DACH2: variants seen among roughly 807,000 people sequenced by gnomAD.
DACH2 encodes the protein dachshund family transcription factor 2, also known as dachshund homolog 2.
In DACH2, 17 loss-of-function variants were observed where a neutral mutation model predicts 35.8. That is an observed-to-expected ratio of 0.48 (90% CI 0.33 to 0.71). The LOEUF (loss-of-function observed/expected upper bound fraction) is 0.71, where lower values mean the gene tolerates loss of function less well. Among genes scored for constraint, DACH2 ranks in the 30% least tolerant of loss-of-function variants. DACH2 has a pLI of 0.02. For missense variants in DACH2, 469 were observed against 472.7 expected, an observed-to-expected ratio of 0.99 and a Z score of 0.07; for synonymous variants, 195 against 177.3, an observed-to-expected ratio of 1.10 and a Z score of -0.79.
chrX:86,542,921 T>A (rs1335385034), intron 3 of DACH2, among the ~76,000 whole-genome samples: 1 of 112,147 alleles, frequency 8.9e-6, no homozygotes, highest in Non-Finnish European at 1.9e-5. Flanking sequence ...ATGAAAATCA[T>A]CATACTTTTT....
intron 1 of DACH2, among the ~76,000 whole-genome samples, chrX:86,347,775 C>T (rs1158532796): frequency 3.6e-5 from 4 of 112,531 alleles, no homozygotes; most frequent in Non-Finnish European, 5.6e-5. Context: ...GAGATATCAA[C>T]ATTTTGGTTT....
chrX:86,665,877 C>G (rs895527975), intron 4 of DACH2, among the ~76,000 whole-genome samples: 1 of 111,246 alleles, frequency 9.0e-6, no homozygotes. Flanking sequence ...GGGTCGCTAG[C>G]ATTTCTATGG....
Position 86,615,946 on chromosome X carries a change from G to A in DACH2, c.641-35090G>A, listed in dbSNP as rs919152022. On this transcript the variant is annotated intron_variant, in intron 3 of 11. Coordinates refer to ENST00000373125, the MANE Select transcript of DACH2 (RefSeq NM_053281.3). ...CCTCCCACACTCTACCCTCAACTAG[G>A]CCACAGTGTCTGTTGTCTCCCTCAT... is the stretch of plus-strand genomic sequence containing the variant. Among the ~76,000 whole-genome samples, 6 of 109,935 alleles carry A rather than the reference G, an allele frequency of 5.5e-5. 1 individual carries two copies. In the South Asian group the frequency reaches 2.4e-3, roughly 43 times the overall value.
chrX:86,643,957 A>G (rs1210598873), intron 3 of DACH2, among the ~76,000 whole-genome samples: 2 of 111,747 alleles, frequency 1.8e-5, no homozygotes, highest in African/African-American at 6.5e-5. Flanking sequence ...TTTTGAAGGA[A>G]CATACTTCAA....
chrX:86,266,689 G>T (rs2033719285), intron 1 of DACH2, among the ~76,000 whole-genome samples: 1 of 111,150 alleles, frequency 9.0e-6, no homozygotes, highest in East Asian at 2.8e-4. Context: ...GTGACTTTGG[G>T]CATGTTACTT....
intron 3 of DACH2, among the ~76,000 whole-genome samples, chrX:86,568,562 G>A (rs778709027): frequency 1.4e-3 from 156 of 111,649 alleles, no homozygotes; most frequent in African/African-American, 4.8e-3. Flanking sequence ...TAAAGTGGAA[G>A]GTTAACAGTG....
intron 1 of DACH2, among the ~76,000 whole-genome samples, chrX:86,317,829 G>T (rs776442404): frequency 9.0e-6 from 1 of 111,023 alleles, no homozygotes; most frequent in South Asian, 3.8e-4. Flanking sequence ...AGAGCGTGGG[G>T]TTCCTAGGCC....
intron 1 of DACH2, among the ~76,000 whole-genome samples, chrX:86,170,204 CT>C (rs61015020): frequency 0.065 from 7,227 of 111,431 alleles, 570 homozygotes; most frequent in African/African-American, 0.22. Context: ...CTCTCTCTCT[CT>C]GTCTGTTCTG....
At chrX:86,446,028 G>T (rs994198547) in intron 2 of DACH2, among the ~76,000 whole-genome samples, 3 of 110,876 alleles carry the variant, frequency 2.7e-5, no homozygotes, top group Admixed American at 9.6e-5. Context: ...ATATTTAAGT[G>T]CCCCAATGTT....
chrX:86,623,197 A>G (rs941745146), intron 3 of DACH2, among the ~76,000 whole-genome samples: 5 of 112,134 alleles, frequency 4.5e-5, no homozygotes, highest in African/African-American at 1.3e-4. Context: ...ATTATAATAA[A>G]AGGCAAAAAA....
At chrX:86,269,700 G>A (rs1320943854) in intron 1 of DACH2, among the ~76,000 whole-genome samples, 1 of 110,935 alleles carries the variant, frequency 9.0e-6, no homozygotes, top group East Asian at 2.8e-4. Context: ...TTTACCAAAG[G>A]CAGGACTGAA....
At chrX:86,632,494 G>GCACACACACACA (rs3041616) in intron 3 of DACH2, among the ~76,000 whole-genome samples, 126 of 95,989 alleles carry the variant, frequency 1.3e-3, no homozygotes, top group African/African-American at 3.5e-3. Context: ...TCATACACAT[G>GCACACACACACA]CACACACACA....
At chrX:86,694,976 A>G (rs767323798) in intron 4 of DACH2, 45 bp from the exon 5 acceptor site, 1 of 975,824 alleles carries the variant, frequency 1.0e-6, no homozygotes, top group Non-Finnish European at 1.3e-6. Context: ...AAGCCTTCTT[A>G]TGAAAGTTGT....
intron 1 of DACH2, among the ~76,000 whole-genome samples, chrX:86,263,367 G>T (rs1222940463): frequency 9.0e-6 from 1 of 111,256 alleles, no homozygotes; most frequent in East Asian, 2.8e-4. Flanking sequence ...TTTAAATTTT[G>T]CATTTATTTA....
intron 6 of DACH2, among the ~76,000 whole-genome samples, chrX:86,719,195 G>A (rs894339870): frequency 4.5e-5 from 5 of 111,498 alleles, no homozygotes; most frequent in Admixed American, 3.8e-4. Flanking sequence ...TACCTCTTTG[G>A]CTAAAATTAT....
At chrX:86,363,804 A>G (rs1320706281) in intron 1 of DACH2, among the ~76,000 whole-genome samples, 1 of 111,784 alleles carries the variant, frequency 8.9e-6, no homozygotes, top group Non-Finnish European at 1.9e-5. Context: ...TGTTGAGCAG[A>G]TGAAATGGAT....
rs947011859 is a variant in DACH2, at chrX:86,539,226, C to T, written c.640+24835C>T. Among the ~76,000 whole-genome samples, 18 of 111,001 alleles carry T rather than the reference C, an allele frequency of 1.6e-4. No homozygotes were observed. In the Admixed American group the frequency reaches 1.7e-3, roughly 11 times the overall value. On this transcript the variant is annotated intron_variant, in intron 3 of 11. Coordinates refer to ENST00000373125, the MANE Select transcript of DACH2 (RefSeq NM_053281.3). The stretch of plus-strand genomic sequence containing the variant: ...TGGTTTTAAAGTGCTTGGCGGTTTC[C>T]CCTTCACTCCCTCTCTCCTGCCACC...
chrX:86,240,104 C>A (rs1273106589), intron 1 of DACH2, among the ~76,000 whole-genome samples: 1 of 111,568 alleles, frequency 9.0e-6, no homozygotes, highest in Admixed American at 9.5e-5. Context: ...CCAATTATAA[C>A]CAAAAGCAAG....
chrX:86,652,250 A>G (rs538948046), intron 4 of DACH2, among the ~76,000 whole-genome samples: 22 of 111,903 alleles, frequency 2.0e-4, no homozygotes, highest in South Asian at 1.1e-3. Flanking sequence ...GCCTCACTCC[A>G]TCCATGTTCC....
Sources: gnomAD v4.1 joint callset for allele counts (sites outside exome capture counted in the v4.1 genomes callset) on GRCh38, gnomAD v4.1.1 for gene constraint, MANE v1.5 for transcripts, NCBI Gene and HGNC (gene_info 2026-07-23, HGNC 2026-07-21) for gene names.